Variants in MME observed in about 807,000 individuals in gnomAD.
MME encodes neprilysin.
A neutral mutation model predicts 113.2 loss-of-function variants in MME; 98 were observed. The observed-to-expected ratio is 0.87, with a 90% confidence interval of 0.74 to 1.02. The LOEUF (loss-of-function observed/expected upper bound fraction) is 1.02, where lower values mean the gene tolerates loss of function less well. Ranked by LOEUF, MME falls within the 50% of genes least tolerant of loss-of-function variation. The pLI, the probability that MME is intolerant of heterozygous loss-of-function variation, is 0.00. For synonymous variants in MME, 292 were observed against 300.6 expected (o/e 0.97, Z 0.30); for missense variants, 836 against 896.0 (o/e 0.93, Z 0.86).
At chr3:155,133,818 A>G (rs1348820823) in intron 8 of MME, among the ~76,000 whole-genome samples, 1 of 147,248 alleles carries the variant, frequency 6.8e-6, no homozygotes. Context: ...CAATTTTCCA[A>G]TATCAATCTA....
Position 155,166,947 on chromosome 3 carries a change from A to T in MME, c.1706A>T (p.Gln569Leu). ...CAGCCCCCCTTCTTTAGTGCCCAGC[A>T]GTCCAACTCATTGAACTATGGGGGC... Reference protein sequence around the residue: ...ILQPPFFSAQQSNSLNYGGIG... With the variant: ...ILQPPFFSAQLSNSLNYGGIG... Residue 569 changes from glutamine (Q) to leucine (L), a missense_variant, in exon 18 of 23, where the codon CAG (glutamine) becomes CTG (leucine). Gln to Leu is a moderately radical substitution (Grantham distance 113, BLOSUM62 -2). Coordinates refer to ENST00000360490, the MANE Select transcript of MME (RefSeq NM_007289.4). 1 of 1,613,762 alleles carries T rather than the reference A, an allele frequency of 6.2e-7. No individual in the cohort carries two copies. Among genetic ancestry groups the T allele is most frequent in the Non-Finnish European group, 8.5e-7 (1 of 1,179,778 alleles).
chr3:155,084,468 C>T, intron 2 of MME, 141 bp downstream of exon 2: 2 of 827,604 alleles, frequency 2.4e-6, no homozygotes, highest in South Asian at 3.1e-5. Flanking sequence ...TAAAATGTAA[C>T]ATCAATATGT....
intron 1 of MME, among the ~76,000 whole-genome samples, chr3:155,070,043 A>G (rs1318839739): frequency 3.3e-5 from 5 of 152,218 alleles, no homozygotes; most frequent in African/African-American, 1.2e-4. Flanking sequence ...GACGATGCAA[A>G]CAGACAACAA....
At chr3:155,078,131 C>T (rs562223007), upstream of MME, among the ~76,000 whole-genome samples, 1 of 151,882 alleles carries the variant, frequency 6.6e-6, no homozygotes, top group African/African-American at 2.4e-5. Flanking sequence ...TCCAGTTGCT[C>T]AGGAGGCTGA....
At chr3:155,118,698 T>C in intron 7 of MME, 48 bp from the exon 8 acceptor site, 1 of 1,260,352 alleles carries the variant, frequency 7.9e-7, no homozygotes, top group Non-Finnish European at 1.1e-6. Context: ...TTCAAACTTT[T>C]CTATATTCAC....
At chr3:155,051,798 A>T (rs1410139436) in intron 1 of MME, among the ~76,000 whole-genome samples, 2 of 152,068 alleles carry the variant, frequency 1.3e-5, no homozygotes, top group Non-Finnish European at 2.9e-5. Context: ...AAACACAATC[A>T]TGCCTTCCCA....
At chr3:155,150,456 C>T (rs187905517) in intron 16 of MME, among the ~76,000 whole-genome samples, 2 of 152,172 alleles carry the variant, frequency 1.3e-5, no homozygotes, top group African/African-American at 4.8e-5. Flanking sequence ...TTTGGTCCTC[C>T]CCATGAGCTT....
In MME at chr3:155,142,258, C is replaced by G; in HGVS notation, c.1116C>G (p.Ser372=). The G allele has an allele frequency of 3.1e-6, 5 of 1,613,540 alleles. No homozygotes were observed. Among genetic ancestry groups the G allele is most frequent in the Non-Finnish European group, 4.2e-6 (5 of 1,179,678 alleles). The change falls in exon 12 of 23, where the codon TCC becomes TCG. Residue 372 remains serine, a synonymous_variant. Transcript: ENST00000360490. ...YSARDLQNLM[S]WRFIMDLVSS... ...ACAGAGATCTTCAAAATTTAATGTC[C>G]TGGAGATTCATAATGGATCTTGTAA...
intron 8 of MME, among the ~76,000 whole-genome samples, chr3:155,135,515 C>T (rs970779376): frequency 4.6e-5 from 7 of 152,204 alleles, no homozygotes; most frequent in Middle Eastern, 3.4e-3. Context: ...TGTACCCAGA[C>T]CATGCTGTTT....
chr3:155,150,270 G>C (rs568302074), intron 16 of MME, among the ~76,000 whole-genome samples: 1 of 152,118 alleles, frequency 6.6e-6, no homozygotes, highest in Non-Finnish European at 1.5e-5. Flanking sequence ...TGAGGTTAAC[G>C]TAGTGCCAGT....
Position 155,180,710 on chromosome 3 carries a change from T to C in MME, c.*251T>C. The C allele has an allele frequency of 1.1e-5, 5 of 447,232 alleles. No individual in the cohort carries two copies. The highest frequency in any genetic ancestry group is 1.1e-4 in the South Asian group (5 of 46,198). 27.7% of individuals were successfully genotyped at this position (447,232 alleles called of 1,614,324 possible). A position where few individuals can be genotyped will look rare whatever the true frequency, so the allele number is the denominator to read the frequency against. On this transcript the variant is annotated 3_prime_UTR_variant, in exon 23 of 23. Coordinates refer to ENST00000360490, the MANE Select transcript of MME (RefSeq NM_007289.4). The stretch of plus-strand genomic sequence containing the variant: ...CATAATGCTTAATTTCTAAAGATAA[T>C]ATTACTGTTTATTTCTGTTTCTCAT...
In MME at chr3:155,155,682, A is replaced by C. The variant is rs534560378; in HGVS notation, c.1602-4708A>C. 2.6e-3 allele frequency among the ~76,000 whole-genome samples: 400 copies of C among 152,328 alleles called. 4 individuals are homozygous for C. Among genetic ancestry groups the C allele is most frequent in the South Asian group, 5.0e-3 (24 of 4,828 alleles). ...GTTATGTAAGTACTGAGGGTTATAC[A>C]GTATGGAACAGGTTTCAGTTCTTTC... On this transcript the variant is annotated intron_variant, in intron 16 of 22. Transcript: ENST00000360490.
chr3:155,122,267 C>T (rs1719215723), intron 8 of MME, among the ~76,000 whole-genome samples: 2 of 151,742 alleles, frequency 1.3e-5, no homozygotes, highest in South Asian at 2.1e-4. Flanking sequence ...GGTGATATCC[C>T]CTTTATCATT....
intron 1 of MME, among the ~76,000 whole-genome samples, chr3:155,028,476 G>T (rs1330452608): frequency 6.6e-6 from 1 of 152,112 alleles, no homozygotes; most frequent in Non-Finnish European, 1.5e-5. Flanking sequence ...TTAGCAAGGG[G>T]ATCACCTGGT....
chr3:155,160,491 T>C, intron 17 of MME, 43 bp downstream of exon 17: 1 of 1,342,350 alleles, frequency 7.4e-7, no homozygotes, highest in Non-Finnish European at 1.1e-6. Context: ...TTCTCTATCG[T>C]TCCCAACCTG....
At chr3:155,078,487 C>A (rs115397404), upstream of MME, among the ~76,000 whole-genome samples, 831 of 152,230 alleles carry the variant, frequency 5.5e-3, 5 homozygotes, top group African/African-American at 0.019. Flanking sequence ...TTAGGATGAA[C>A]TACCTTTTCT....
chr3:155,087,334 G>T (rs1715851915), intron 3 of MME, among the ~76,000 whole-genome samples: 1 of 149,774 alleles, frequency 6.7e-6, no homozygotes, highest in Admixed American at 6.7e-5. Context: ...GAGATGTGAT[G>T]TGGGGAGCGT....
At chr3:155,114,425 C>T (rs1718434506) in intron 3 of MME, among the ~76,000 whole-genome samples, 2 of 152,188 alleles carry the variant, frequency 1.3e-5, no homozygotes, top group African/African-American at 4.8e-5. Context: ...TTTATAATGA[C>T]AGACTCTATA....
At chr3:155,113,018 G>C (rs780785741) in intron 3 of MME, among the ~76,000 whole-genome samples, 1 of 152,216 alleles carries the variant, frequency 6.6e-6, no homozygotes, top group Non-Finnish European at 1.5e-5. Flanking sequence ...GAAGTTTGGA[G>C]TCACAGAAGC....
Sources: gnomAD v4.1 joint callset for allele counts (sites outside exome capture counted in the v4.1 genomes callset) on GRCh38, gnomAD v4.1.1 for gene constraint, MANE v1.5 for transcripts, NCBI Gene and HGNC (gene_info 2026-07-23, HGNC 2026-07-21) for gene names.